Variants in GRM7 observed in about 807,000 individuals in gnomAD.
GRM7 encodes the protein glutamate metabotropic receptor 7.
In GRM7, 35 loss-of-function variants were observed where a neutral mutation model predicts 84.5. The observed-to-expected ratio is 0.41, with a 90% CI of 0.32 to 0.55. The LOEUF (loss-of-function observed/expected upper bound fraction) is 0.55, where lower values mean the gene tolerates loss of function less well. GRM7 is among the 20% of genes least tolerant of loss of function. GRM7 has a pLI of 0.19. For synonymous variants in GRM7, 487 were observed against 455.1 expected (o/e 1.07, Z -0.89); for missense variants, 1,003 against 1,194.6 (o/e 0.84, Z 2.36).
intron 2 of GRM7, among the ~76,000 whole-genome samples, chr3:7,256,648 C>T (rs1259520058): frequency 2.7e-5 from 4 of 149,882 alleles, no homozygotes; most frequent in African/African-American, 7.6e-5. Flanking sequence ...CACACACATA[C>T]ACACACACAC....
chr3:7,424,423 A>G (rs1332169953), intron 5 of GRM7, among the ~76,000 whole-genome samples: 1 of 152,118 alleles, frequency 6.6e-6, no homozygotes, highest in Non-Finnish European at 1.5e-5. Flanking sequence ...GCCTTATATC[A>G]TGCTAGGCAC....
chr3:7,446,649 G>A (rs543402858), intron 5 of GRM7, among the ~76,000 whole-genome samples: 12 of 151,970 alleles, frequency 7.9e-5, no homozygotes, highest in African/African-American at 2.2e-4. Context: ...TGGTACAGAC[G>A]AGGTTTCACC....
At chr3:7,623,713 G>A (rs571088307) in intron 8 of GRM7, among the ~76,000 whole-genome samples, 6 of 152,244 alleles carry the variant, frequency 3.9e-5, no homozygotes, top group Non-Finnish European at 7.4e-5. Context: ...AGCCTTCAAG[G>A]TGTTAGTTAT....
At chr3:7,262,898 A>G (rs1004415356) in intron 2 of GRM7, among the ~76,000 whole-genome samples, 1 of 150,982 alleles carries the variant, frequency 6.6e-6, no homozygotes, top group African/African-American at 2.4e-5. Context: ...GGATTTCACC[A>G]TGTTGGCCAG....
chr3:7,353,034 G>C (rs1384210387), intron 4 of GRM7, among the ~76,000 whole-genome samples: 1 of 152,080 alleles, frequency 6.6e-6, no homozygotes, highest in Non-Finnish European at 1.5e-5. Context: ...AGGAGAGAAG[G>C]TCTTCTTTAG....
intron 8 of GRM7, among the ~76,000 whole-genome samples, chr3:7,622,803 A>G (rs559384632): frequency 6.6e-6 from 1 of 152,238 alleles, no homozygotes; most frequent in South Asian, 2.1e-4. Flanking sequence ...GAGCATGGAC[A>G]AACCAGAGTC....
At chr3:7,204,356 C>CT in intron 2 of GRM7, among the ~76,000 whole-genome samples, 1 of 152,326 alleles carries the variant, frequency 6.6e-6, no homozygotes, top group East Asian at 1.9e-4. Flanking sequence ...AAGAGCATCT[C>CT]TTTTTCATGC....
chr3:7,129,031 C>T (rs1693501228), intron 1 of GRM7, among the ~76,000 whole-genome samples: 1 of 152,138 alleles, frequency 6.6e-6, no homozygotes, highest in Non-Finnish European at 1.5e-5. Flanking sequence ...GTGTTTAGTG[C>T]ACATTCACGG....
chr3:7,413,676 C>A (rs1378938286), intron 4 of GRM7, among the ~76,000 whole-genome samples: 2 of 152,114 alleles, frequency 1.3e-5, no homozygotes, highest in African/African-American at 4.8e-5. Flanking sequence ...ACCTGTCGAA[C>A]CACCCAGTTG....
At position 7,188,165 on chromosome 3, in the gene GRM7, C is replaced by G. The variant is rs139036456; in HGVS notation, c.736+41497C>G. 6.6e-6 allele frequency among the ~76,000 whole-genome samples: 1 copy of G among 151,878 alleles called. No individual in the cohort carries two copies. Among genetic ancestry groups the G allele is most frequent in the South Asian group, 2.1e-4 (1 of 4,818 alleles). ...GCTATGACGTGAGAAAGGGACCTGT[C>G]GGAAGTGAGGAATGAAGAGATGCTT... is the stretch of plus-strand genomic sequence containing the variant. On this transcript the variant is annotated intron_variant, in intron 2 of 9. Transcript: ENST00000357716. This position sits in a 1 kb window ranked among gnomAD's most constrained non-coding sequence, Gnocchi z 4.2.
At chr3:7,323,680 G>T (rs1218085202) in intron 4 of GRM7, among the ~76,000 whole-genome samples, 1 of 152,148 alleles carries the variant, frequency 6.6e-6, no homozygotes, top group Admixed American at 6.6e-5. Flanking sequence ...AATTTGCCAA[G>T]TCAATGGCCA....
intron 1 of GRM7, among the ~76,000 whole-genome samples, chr3:6,917,031 G>T (rs933439176): frequency 6.6e-6 from 1 of 152,000 alleles, no homozygotes; most frequent in East Asian, 1.9e-4. Context: ...ACTGCCTAGC[G>T]ATTCTATTCA....
At chr3:7,602,965 A>T (rs1696391668) in intron 8 of GRM7, among the ~76,000 whole-genome samples, 1 of 152,168 alleles carries the variant, frequency 6.6e-6, no homozygotes, top group African/African-American at 2.4e-5. Flanking sequence ...CTGGTTGGCA[A>T]AGCATCTACT....
At chr3:7,119,984 T>C (rs1483598228) in intron 1 of GRM7, among the ~76,000 whole-genome samples, 1 of 152,134 alleles carries the variant, frequency 6.6e-6, no homozygotes, top group East Asian at 1.9e-4. Flanking sequence ...CAATCTTTCA[T>C]TAATGTAGCA....
At chr3:6,939,317 A>C (rs553463007) in intron 1 of GRM7, among the ~76,000 whole-genome samples, 1 of 152,284 alleles carries the variant, frequency 6.6e-6, no homozygotes, top group South Asian at 2.1e-4. Flanking sequence ...ATCAATCAAT[A>C]AATCTGATTC....
chr3:7,330,978 C>T (rs1422599652), intron 4 of GRM7, among the ~76,000 whole-genome samples: 2 of 152,182 alleles, frequency 1.3e-5, no homozygotes, highest in Non-Finnish European at 2.9e-5. Flanking sequence ...AACACCACAT[C>T]ATCTCACCCT....
intron 2 of GRM7, among the ~76,000 whole-genome samples, chr3:7,257,268 A>G (rs1009206486): frequency 6.6e-6 from 1 of 152,300 alleles, no homozygotes; most frequent in East Asian, 1.9e-4. Flanking sequence ...TTATGACATC[A>G]TTGTCTACAT....
intron 8 of GRM7, among the ~76,000 whole-genome samples, chr3:7,596,919 AC>A (rs1359592521): frequency 1.3e-5 from 2 of 152,144 alleles, no homozygotes; most frequent in Non-Finnish European, 2.9e-5. Context: ...GAAGACAGTA[AC>A]CTCCAAGAAG....
At chr3:7,387,642 C>G (rs1383726029) in intron 4 of GRM7, among the ~76,000 whole-genome samples, 1 of 152,078 alleles carries the variant, frequency 6.6e-6, no homozygotes, top group Non-Finnish European at 1.5e-5. Flanking sequence ...TTCCATTGGT[C>G]TAAGTGTTTA....
Sources: allele counts gnomAD v4.1 joint callset (sites outside exome capture counted in the v4.1 genomes callset), GRCh38; gene constraint gnomAD v4.1.1; non-coding constraint Gnocchi (gnomAD v3.1); transcripts MANE v1.5; gene names NCBI Gene and HGNC (gene_info 2026-07-23, HGNC 2026-07-21).